PELP1: variants seen among roughly 807,000 people sequenced by gnomAD.
The protein encoded by PELP1 is proline-, glutamic acid- and leucine-rich protein 1.
Under a neutral mutation model 95.5 loss-of-function variants are expected in PELP1, and 32 were observed. The ratio of observed to expected loss-of-function variants is 0.34; its 90% CI spans 0.25 to 0.45. The LOEUF is 0.45. PELP1 is among the 20% of genes least tolerant of loss of function. The probability of loss-of-function intolerance (pLI) is 1.00; values close to 1 mark genes in which losing one functional copy is unlikely to be tolerated. For missense variants in PELP1, 1,358 were observed against 1,444.8 expected (o/e 0.94, Z 0.97); for synonymous variants, 668 against 600.1 (o/e 1.11, Z -1.65).
At chr17:4,689,717 C>T (rs1913025082) in intron 3 of PELP1, among the ~76,000 whole-genome samples, 1 of 152,206 alleles carries the variant, frequency 6.6e-6, no homozygotes, top group African/African-American at 2.4e-5. Context: ...ACCCATCAAC[C>T]AGCAAGTGGA....
Position 4,675,208 on chromosome 17 carries a change from A to G in PELP1, c.1158-13T>C. 1 of 1,612,118 alleles carries G rather than the reference A, an allele frequency of 6.2e-7. No homozygotes were observed. The highest frequency in any genetic ancestry group is 1.1e-5 in the South Asian group (1 of 90,704). On this transcript the variant is annotated splice_polypyrimidine_tract_variant and intron_variant, in intron 10 of 16. Coordinates refer to ENST00000572293, the MANE Select transcript of PELP1 (RefSeq NM_014389.3). This position sits in a 1 kb window ranked among gnomAD's most constrained non-coding sequence, Gnocchi z 4.3. ...CCGGCTTCCACACCTGGGGCAGAGA[A>G]GGAATGGTGACCCTCGTTTCTGGCA...
rs781294937 is a variant in PELP1, at chr17:4,672,267, TTCC to T, written c.2721_2723del (p.Glu908del). On this transcript the variant is annotated inframe_deletion, in exon 16 of 17. Transcript: ENST00000572293. Reference sequence around the variant, plus strand: ...CATCCTCTTCCTCTTCCTCAAAGTCTTCCTCCTCTTCCTCTTCTTCCTCTTCTT... The same window carrying T: ...CATCCTCTTCCTCTTCCTCAAAGTCTTCCTCTTCCTCTTCTTCCTCTTCTT... 2.8e-5 allele frequency: 44 copies of T among 1,552,358 alleles called. No individual in the cohort carries two copies. The highest frequency in any genetic ancestry group is 3.4e-5 in the Non-Finnish European group (39 of 1,147,368).
At chr17:4,697,985 G>C (rs1913359600) in intron 1 of PELP1, among the ~76,000 whole-genome samples, 1 of 148,670 alleles carries the variant, frequency 6.7e-6, no homozygotes, top group African/African-American at 2.5e-5. Context: ...GATGCACCAA[G>C]AATGACACAT....
At chr17:4,676,600 A>G in intron 6 of PELP1, 93 bp from the exon 7 acceptor site, 1 of 1,513,986 alleles carries the variant, frequency 6.6e-7, no homozygotes, top group Non-Finnish European at 9.1e-7. Context: ...GATGGAGATC[A>G]GAGAGAGCTC....
chr17:4,687,891 A>C (rs11870827), intron 3 of PELP1, among the ~76,000 whole-genome samples: 148,922 of 152,300 alleles, frequency 0.98, 72,893 homozygotes, highest in Middle Eastern at 1. Context: ...CAAAGTATGA[A>C]AAACGCACAA....
chr17:4,690,972 C>T lies in PELP1; in HGVS notation c.336G>A (p.Leu112=), dbSNP rs1369033396. 4 of 1,613,356 alleles carry T rather than the reference C, an allele frequency of 2.5e-6. No homozygotes were observed. The Admixed American group carries it at 6.7e-5, about 27-fold the overall frequency. Residue 112 remains leucine (L), a synonymous_variant, in exon 3 of 17, where the codon CTG becomes CTA. Coordinates refer to ENST00000572293, the MANE Select transcript of PELP1 (RefSeq NM_014389.3). ...TGGGGCTCTCCCCTACCAGCAGGGA[C>T]AGCAGACACAGGCCCTCAAACCTTC... ...IKTRFEGLCL[L]SLLVGESPTE...
intron 5 of PELP1, among the ~76,000 whole-genome samples, chr17:4,681,679 A>G (rs1295445898): frequency 1.3e-5 from 2 of 152,052 alleles, no homozygotes; most frequent in East Asian, 1.9e-4. Flanking sequence ...ATGCACCTGC[A>G]GTCCCAGCTA....
chr17:4,686,789 A>AT (rs1251043073), intron 3 of PELP1, among the ~76,000 whole-genome samples: 1 of 152,156 alleles, frequency 6.6e-6, no homozygotes, highest in African/African-American at 2.4e-5. Context: ...AACTGCTGGG[A>AT]TTACAGGCGT....
chr17:4,691,390 G>A lies in PELP1; in HGVS notation c.302C>T (p.Ser101Phe). The A allele has an allele frequency of 6.2e-7, 1 of 1,613,304 alleles. No homozygotes were observed. The highest frequency in any genetic ancestry group is 2.2e-5 in the East Asian group (1 of 44,872). The change falls in exon 2 of 17, where the codon TCC becomes TTC. Residue 101 changes from serine to phenylalanine, a missense_variant. Coordinates refer to ENST00000572293, the MANE Select transcript of PELP1 (RefSeq NM_014389.3). ...GCCAAAGACTTACCGAGTTTTGATG[G>A]AACTGAGACGTGCATTACTGAGACT... is the stretch of plus-strand genomic sequence containing the variant. Reference protein sequence around the residue: ...LVSLSNARLSSIKTRFEGLCL... With the variant: ...LVSLSNARLSFIKTRFEGLCL...
chr17:4,684,861 C>T (rs1384416893), intron 3 of PELP1, among the ~76,000 whole-genome samples: 1 of 152,028 alleles, frequency 6.6e-6, no homozygotes, highest in Admixed American at 6.6e-5. Flanking sequence ...CCACCATGCC[C>T]AGTTAATTTT....
In PELP1 at chr17:4,670,550, C is replaced by T. The variant is rs1337324551; in HGVS notation, c.*889G>A. On this transcript the variant is annotated 3_prime_UTR_variant, in exon 17 of 17. Coordinates refer to ENST00000572293, the MANE Select transcript of PELP1 (RefSeq NM_014389.3). ...CCAGCCTGGCCAACATGGTGAAACCCCACCTCTACTAAAAATACAAAAATT... is the reference window on the plus strand; with the variant it reads ...CCAGCCTGGCCAACATGGTGAAACCTCACCTCTACTAAAAATACAAAAATT... 6.6e-6 allele frequency: 1 copy of T among 152,208 alleles called. No individual in the cohort carries two copies. Among genetic ancestry groups the T allele is most frequent in the African/African-American group, 2.4e-5 (1 of 41,418 alleles). The allele number at this position is 152,208 out of a possible 1,614,324, so 9.4% of individuals were successfully genotyped here.
At chr17:4,700,696 G>C (rs1016435214) in intron 1 of PELP1, among the ~76,000 whole-genome samples, 1 of 152,000 alleles carries the variant, frequency 6.6e-6, no homozygotes, top group South Asian at 2.1e-4. Flanking sequence ...GGGCCAAGGC[G>C]GGAGTATCAC....
chr17:4,675,392 T>C lies in PELP1; in HGVS notation c.1069-30A>G, dbSNP rs1219251014. ...AGAAAAAAGGGGCAGAGATAAAGAG[T>C]GGAGGAAGAAAGTGAGAGCCAGAGA... On this transcript the variant is annotated intron_variant, in intron 9 of 16. Coordinates refer to ENST00000572293, the MANE Select transcript of PELP1 (RefSeq NM_014389.3). The surrounding 1 kb of genome is among the most constrained non-coding windows in gnomAD (Gnocchi z 4.3). 3.7e-6 allele frequency: 5 copies of C among 1,337,032 alleles called. No homozygotes were observed. Among genetic ancestry groups the C allele is most frequent in the South Asian group, 2.5e-5 (2 of 79,684 alleles). The allele number at this position is 1,337,032 out of a possible 1,614,324, so 82.8% of individuals were successfully genotyped here. A position where few individuals can be genotyped will look rare whatever the true frequency, so the allele number is the denominator to read the frequency against.
Position 4,704,037 on chromosome 17 carries a change from C to G in PELP1, c.75G>C (p.Ser25=), listed in dbSNP as rs1212350257. ...GGAGCCGCGGGCCCGAGCTCACTGC[C>G]GAGAGACCCCCGGTCCCGCCAGGAA... The part of the protein sequence containing the change: ...AGVPGGTGGL[S]AVSSGPRLRL... The change falls in exon 1 of 17, where the codon TCG becomes TCC. Residue 25 remains serine (S), a synonymous_variant. Coordinates refer to ENST00000572293, the MANE Select transcript of PELP1 (RefSeq NM_014389.3). 6.2e-6 allele frequency: 10 copies of G among 1,612,726 alleles called. No individual in the cohort carries two copies. In the East Asian group the frequency reaches 2.2e-4, roughly 36 times the overall value.
chr17:4,676,903 GC>G, intron 5 of PELP1, 91 bp from the exon 6 acceptor site: 1 of 955,714 alleles, frequency 1.0e-6, no homozygotes, highest in Non-Finnish European at 1.6e-6. Context: ...CAGACTCTAA[GC>G]CCAGGTCTCT....
chr17:4,673,401 A>G lies in PELP1; in HGVS notation c.1694T>C (p.Leu565Pro). The change falls in exon 15 of 17, where the codon CTA becomes CCA. Residue 565 changes from leucine to proline, a missense_variant. By Grantham distance (98) the Leu-to-Pro change is moderately conservative. Transcript: ENST00000572293. This position sits in a 1 kb window ranked among gnomAD's most constrained non-coding sequence, Gnocchi z 5.7. Reference sequence around the variant, plus strand: ...GGAGCTCGTGTACGGGGAGCTGCCTAGGACCTCACCCTGCTGTACACCCAT... The same window carrying G: ...GGAGCTCGTGTACGGGGAGCTGCCTGGGACCTCACCCTGCTGTACACCCAT... ...LVMGVQQGEV[L>P]GSSPYTSSRC... 2 of 1,596,948 alleles carry G rather than the reference A, an allele frequency of 1.3e-6. No homozygotes were observed. Among genetic ancestry groups the G allele is most frequent in the Admixed American group, 1.7e-5 (1 of 57,160 alleles).
intron 1 of PELP1, among the ~76,000 whole-genome samples, chr17:4,697,203 T>C (rs932947426): frequency 6.7e-6 from 1 of 150,326 alleles, no homozygotes; most frequent in African/African-American, 2.4e-5. Context: ...ACCAGTGTGA[T>C]AACAGGAGAA....
chr17:4,684,382 C>G (rs9303188), intron 3 of PELP1, among the ~76,000 whole-genome samples: 148,867 of 152,244 alleles, frequency 0.98, 72,864 homozygotes, highest in Middle Eastern at 1. Flanking sequence ...AAAACTGAAG[C>G]CCAGAGATAA....
chr17:4,675,816 C>A lies in PELP1; in HGVS notation c.1049G>T (p.Ser350Ile). ...EILDFICRTL[S>I]VSSKNISLHG... is the part of the protein sequence containing the mutation. ...ACTTACAATATTCTTGCTACTGACG[C>A]TGAGGGTCCGGCAGATGAAATCCAG... Residue 350 changes from serine to isoleucine, a missense_variant, in exon 9 of 17, where the codon AGC becomes ATC. Physicochemically the swap from Ser to Ile is moderately radical, Grantham distance 142 (BLOSUM62 -2). Transcript: ENST00000572293. This position sits in a 1 kb window ranked among gnomAD's most constrained non-coding sequence, Gnocchi z 4.3. 6.3e-7 allele frequency: 1 copy of A among 1,583,552 alleles called. No homozygotes were observed. Among genetic ancestry groups the A allele is most frequent in the Non-Finnish European group, 8.6e-7 (1 of 1,164,696 alleles).
Sources: gnomAD v4.1 joint callset for allele counts (sites outside exome capture counted in the v4.1 genomes callset) on GRCh38, gnomAD v4.1.1 for gene constraint, Gnocchi (gnomAD v3.1) non-coding constraint, MANE v1.5 for transcripts, NCBI Gene and HGNC (gene_info 2026-07-23, HGNC 2026-07-21) for gene names.